Variants in PCGF5 observed in about 807,000 individuals in gnomAD.
The protein encoded by PCGF5 is polycomb group RING finger protein 5.
A neutral mutation model predicts 44.3 loss-of-function variants in PCGF5; 9 were observed. The ratio of observed to expected loss-of-function variants is 0.20; its 90% CI spans 0.12 to 0.35. PCGF5 has a LOEUF of 0.35. PCGF5 is among the 10% of genes least tolerant of loss of function. The pLI is 1.00. For missense variants in PCGF5, 146 were observed against 305.3 expected (o/e 0.48, Z 3.89); for synonymous variants, 95 against 102.5 (o/e 0.93, Z 0.44).
At chr10:91,163,158 C>T (rs1843421286) in intron 1 of PCGF5, 1 of 150,004 alleles carries the variant, frequency 6.7e-6, no homozygotes, top group Non-Finnish European at 1.5e-5. Flanking sequence ...TGGCTGTTTT[C>T]CGCGGGGCCG....
At chr10:91,189,331 T>C (rs1402871304) in intron 1 of PCGF5, among the ~76,000 whole-genome samples, 1 of 152,196 alleles carries the variant, frequency 6.6e-6, no homozygotes, top group African/African-American at 2.4e-5. Flanking sequence ...CATACCTATC[T>C]CCACTAGACA....
Position 91,279,795 on chromosome 10 carries a change from A to G in PCGF5, c.*1479A>G, listed in dbSNP as rs1379129507. 2 of 152,066 alleles carry G rather than the reference A, an allele frequency of 1.3e-5. No homozygotes were observed. The highest frequency in any genetic ancestry group is 1.5e-5 in the Non-Finnish European group (1 of 67,936). 9.4% of individuals were successfully genotyped at this position (152,066 alleles called of 1,614,324 possible). A position where few individuals can be genotyped will look rare whatever the true frequency, so the allele number is the denominator to read the frequency against. ...AGTTTTTATACTGCATATGTGGTAA[A>G]TGTGTCACATTTTCCAGTAAAATGT... On this transcript the variant is annotated 3_prime_UTR_variant, in exon 10 of 10. Coordinates refer to ENST00000336126, the MANE Select transcript of PCGF5 (RefSeq NM_032373.5).
intron 3 of PCGF5, among the ~76,000 whole-genome samples, chr10:91,242,214 C>T (rs1845345720): frequency 6.7e-6 from 1 of 149,832 alleles, no homozygotes; most frequent in Non-Finnish European, 1.5e-5. Flanking sequence ...ACTAAGCATC[C>T]TACAATGCAC....
upstream of PCGF5, among the ~76,000 whole-genome samples, chr10:91,162,546 A>G (rs909042678): frequency 2.4e-4 from 36 of 152,120 alleles, 1 homozygote; most frequent in African/African-American, 7.9e-4. Flanking sequence ...CGGCCTGAGA[A>G]GTTTCGAATT....
chr10:91,202,440 T>C (rs1844269866), intron 1 of PCGF5, among the ~76,000 whole-genome samples: 1 of 152,188 alleles, frequency 6.6e-6, no homozygotes, highest in South Asian at 2.1e-4. Context: ...TTCTGAAAAA[T>C]GAGGCAAATA....
intron 6 of PCGF5, among the ~76,000 whole-genome samples, chr10:91,260,609 AC>A (rs1845877622): frequency 6.6e-6 from 1 of 152,160 alleles, no homozygotes; most frequent in Non-Finnish European, 1.5e-5. Context: ...GCACATATAC[AC>A]CATGGAATAC....
In PCGF5 at chr10:91,273,796, G is replaced by T. The variant is rs1283816161; in HGVS notation, c.723+2099G>T. The stretch of plus-strand genomic sequence containing the variant: ...AGATGATAAATAATACACTAATATA[G>T]TGTATTATAATAGTGTATAATATAG... On this transcript the variant is annotated intron_variant, in intron 9 of 9. Transcript: ENST00000336126. Among the ~76,000 whole-genome samples the T allele has an allele frequency of 1.3e-5, 2 of 150,524 alleles. 1 individual carries two copies. The highest frequency in any genetic ancestry group is 3.9e-4 in the East Asian group (2 of 5,146).
upstream of PCGF5, among the ~76,000 whole-genome samples, chr10:91,215,858 A>G (rs188031387): frequency 8.5e-5 from 13 of 152,312 alleles, no homozygotes; most frequent in Admixed American, 5.9e-4. Context: ...ATTGCTCCAT[A>G]ATTGTTTCTT....
chr10:91,207,610 A>T (rs1248516658), intron 1 of PCGF5, among the ~76,000 whole-genome samples: 3 of 152,228 alleles, frequency 2.0e-5, no homozygotes, highest in African/African-American at 4.8e-5. Flanking sequence ...GATATCCTTT[A>T]TAACCGTAAC....
intron 1 of PCGF5, among the ~76,000 whole-genome samples, chr10:91,182,098 G>A (rs759697629): frequency 1.3e-4 from 19 of 149,486 alleles, no homozygotes; most frequent in South Asian, 4.3e-4. Flanking sequence ...TATAATATTC[G>A]CTGATGGTTG....
At chr10:91,234,682 G>C (rs558808059) in intron 2 of PCGF5, among the ~76,000 whole-genome samples, 1 of 152,168 alleles carries the variant, frequency 6.6e-6, no homozygotes, top group South Asian at 2.1e-4. Context: ...TCTAATTTAT[G>C]GTAAAGCTCA....
intron 8 of PCGF5, among the ~76,000 whole-genome samples, chr10:91,269,237 G>A (rs1846119368): frequency 6.6e-6 from 1 of 152,178 alleles, no homozygotes; most frequent in African/African-American, 2.4e-5. Flanking sequence ...TCTATAAATT[G>A]AGGATGCAGA....
intron 3 of PCGF5, among the ~76,000 whole-genome samples, chr10:91,245,129 G>A (rs1051910862): frequency 2.6e-5 from 4 of 152,134 alleles, no homozygotes; most frequent in Non-Finnish European, 5.9e-5. Flanking sequence ...AGAGAGAAGA[G>A]GAGGAGCCAG....
chr10:91,184,901 A>G (rs3980838), intron 1 of PCGF5, among the ~76,000 whole-genome samples: 74,231 of 152,080 alleles, frequency 0.49, 22,664 homozygotes, highest in Non-Finnish European at 0.68. Flanking sequence ...GTCCCATCCC[A>G]GGGAGTTATG....
At chr10:91,255,358 G>T (rs558613591) in intron 6 of PCGF5, among the ~76,000 whole-genome samples, 30 of 151,992 alleles carry the variant, frequency 2.0e-4, no homozygotes, top group Non-Finnish European at 4.4e-4. Flanking sequence ...AAATCTAGAG[G>T]GCCACGTGCA....
chr10:91,277,928 A>G (rs971807695), intron 9 of PCGF5, among the ~76,000 whole-genome samples: 2 of 152,024 alleles, frequency 1.3e-5, no homozygotes, highest in African/African-American at 4.8e-5. Flanking sequence ...AGGGTTACTA[A>G]CTGAATGCCT....
At position 91,283,347 on chromosome 10, in the gene PCGF5, C is replaced by G. The variant is rs1846498695; in HGVS notation, c.*5031C>G. ...TTGCTATGCCCCTTTTTCTATAATT[C>G]CAAACTGAGACTGATTTTTCAGAGA... On this transcript the variant is annotated 3_prime_UTR_variant, in exon 10 of 10. Transcript: ENST00000336126. The G allele has an allele frequency of 6.6e-6, 1 of 152,070 alleles. No individual in the cohort carries two copies. Among genetic ancestry groups the G allele is most frequent in the Non-Finnish European group, 1.5e-5 (1 of 68,008 alleles). The allele number at this position is 152,070 out of a possible 1,614,324, so 9.4% of individuals were successfully genotyped here. A position where few individuals can be genotyped will look rare whatever the true frequency, so the allele number is the denominator to read the frequency against.
chr10:91,252,227 G>T (rs1377885173), intron 6 of PCGF5, among the ~76,000 whole-genome samples: 1 of 151,768 alleles, frequency 6.6e-6, no homozygotes, highest in East Asian at 1.9e-4. Flanking sequence ...TTATCTCTCT[G>T]TATTCTGTGT....
At chr10:91,267,587 ATC>A (rs1846077811) in intron 8 of PCGF5, among the ~76,000 whole-genome samples, 3 of 152,184 alleles carry the variant, frequency 2.0e-5, no homozygotes, top group Admixed American at 2.0e-4. Flanking sequence ...ATTTATCTGA[ATC>A]TCAGCTTCCT....
Sources: allele counts gnomAD v4.1 joint callset (sites outside exome capture counted in the v4.1 genomes callset), GRCh38; gene constraint gnomAD v4.1.1; transcripts MANE v1.5; gene names NCBI Gene and HGNC (gene_info 2026-07-23, HGNC 2026-07-21).